Variants in BMP6 observed in about 807,000 individuals in gnomAD.
BMP6 encodes bone morphogenetic protein 6.
A neutral mutation model predicts 54.1 loss-of-function variants in BMP6; 17 were observed. That is an observed-to-expected ratio of 0.31 (90% CI 0.22 to 0.47). The LOEUF (loss-of-function observed/expected upper bound fraction) is 0.47. Ranked by LOEUF, BMP6 falls within the 20% of genes least tolerant of loss-of-function variation. The probability of loss-of-function intolerance (pLI) is 1.00; values close to 1 mark genes in which losing one functional copy is unlikely to be tolerated. For missense variants in BMP6, 720 were observed against 690.4 expected (o/e 1.04, Z -0.48); for synonymous variants, 328 against 291.2 (o/e 1.13, Z -1.28).
intron 1 of BMP6, among the ~76,000 whole-genome samples, chr6:7,803,793 AGT>A (rs1335762074): frequency 6.6e-6 from 1 of 151,910 alleles, no homozygotes; most frequent in Non-Finnish European, 1.5e-5. Context: ...AACAATTGCT[AGT>A]GTATTGTTTA....
chr6:7,734,677 C>T (rs1456681339), intron 1 of BMP6, among the ~76,000 whole-genome samples: 1 of 152,344 alleles, frequency 6.6e-6, no homozygotes, highest in East Asian at 1.9e-4. Flanking sequence ...TTGAAAACCA[C>T]GTTGCTCTGA....
At chr6:7,823,467 A>G (rs1052998875) in intron 1 of BMP6, among the ~76,000 whole-genome samples, 2 of 152,226 alleles carry the variant, frequency 1.3e-5, no homozygotes, top group African/African-American at 4.8e-5. Context: ...TCTTGCACTC[A>G]TGAAACGTGC....
At chr6:7,811,135 G>C (rs1406877940) in intron 1 of BMP6, among the ~76,000 whole-genome samples, 1 of 152,196 alleles carries the variant, frequency 6.6e-6, no homozygotes, top group East Asian at 1.9e-4. Flanking sequence ...ATACTCAAGG[G>C]CATCAAAGGC....
At chr6:7,743,206 G>T (rs1028761356) in intron 1 of BMP6, among the ~76,000 whole-genome samples, 11 of 152,190 alleles carry the variant, frequency 7.2e-5, no homozygotes, top group African/African-American at 2.4e-4. Context: ...GTATTCTATA[G>T]TGTATACTCC....
chr6:7,734,586 A>G (rs190858947), intron 1 of BMP6, among the ~76,000 whole-genome samples: 1 of 152,344 alleles, frequency 6.6e-6, no homozygotes, highest in East Asian at 1.9e-4. Flanking sequence ...CTCTACTTTT[A>G]GAAAAGAAAA....
intron 1 of BMP6, among the ~76,000 whole-genome samples, chr6:7,797,760 G>A (rs1404977444): frequency 2.6e-5 from 4 of 152,074 alleles, no homozygotes; most frequent in Non-Finnish European, 5.9e-5. Context: ...ATTAATAACA[G>A]CAACAAAAAG....
At chr6:7,809,591 A>G (rs1357353523) in intron 1 of BMP6, among the ~76,000 whole-genome samples, 1 of 152,274 alleles carries the variant, frequency 6.6e-6, no homozygotes, top group Non-Finnish European at 1.5e-5. Context: ...GAAGAATGCC[A>G]GAAAACATTT....
chr6:7,828,484 G>T (rs1758735784), intron 1 of BMP6, among the ~76,000 whole-genome samples: 1 of 152,216 alleles, frequency 6.6e-6, no homozygotes, highest in African/African-American at 2.4e-5. Context: ...CTCAGCATCT[G>T]TGATCACATG....
intron 1 of BMP6, among the ~76,000 whole-genome samples, chr6:7,814,217 C>T (rs954488084): frequency 1.3e-5 from 2 of 152,224 alleles, no homozygotes; most frequent in African/African-American, 2.4e-5. Context: ...AATCTCCCTT[C>T]TGATTGTACT....
At chr6:7,755,907 C>T (rs1757507844) in intron 1 of BMP6, among the ~76,000 whole-genome samples, 1 of 151,980 alleles carries the variant, frequency 6.6e-6, no homozygotes, top group African/African-American at 2.4e-5. Flanking sequence ...CATCTTGGTT[C>T]CTTTGTACAT....
intron 1 of BMP6, among the ~76,000 whole-genome samples, chr6:7,739,489 G>T (rs899177837): frequency 5.9e-5 from 9 of 152,018 alleles, no homozygotes; most frequent in African/African-American, 2.2e-4. Context: ...TATTATCTCA[G>T]CAAGGCAAAT....
chr6:7,748,631 AC>A (rs1200157034), intron 1 of BMP6, among the ~76,000 whole-genome samples: 1 of 152,112 alleles, frequency 6.6e-6, no homozygotes, highest in African/African-American at 2.4e-5. Context: ...GACCACAAAT[AC>A]CCCGTGAATA....
chr6:7,838,322 G>T (rs970437179), intron 1 of BMP6, among the ~76,000 whole-genome samples: 1 of 152,258 alleles, frequency 6.6e-6, no homozygotes, highest in Middle Eastern at 3.4e-3. Context: ...ACTATTCACG[G>T]TTTCAGGCAT....
At chr6:7,858,931 C>T (rs551565073) in intron 2 of BMP6, among the ~76,000 whole-genome samples, 15 of 151,948 alleles carry the variant, frequency 9.9e-5, no homozygotes, top group Non-Finnish European at 2.1e-4. Context: ...TGAGAACAGT[C>T]AGTGTTCTCA....
At chr6:7,741,418 C>T (rs1581228481) in intron 1 of BMP6, among the ~76,000 whole-genome samples, 2 of 152,100 alleles carry the variant, frequency 1.3e-5, no homozygotes, top group South Asian at 4.2e-4. Flanking sequence ...ACCTCAGCCT[C>T]TTGAGTAGCT....
At chr6:7,827,843 C>T (rs1422118445) in intron 1 of BMP6, among the ~76,000 whole-genome samples, 3 of 152,334 alleles carry the variant, frequency 2.0e-5, no homozygotes, top group Admixed American at 6.5e-5. Context: ...CCATCATTCT[C>T]GTCATCTGTG....
intron 1 of BMP6, among the ~76,000 whole-genome samples, chr6:7,833,363 A>G (rs1338192222): frequency 6.6e-6 from 1 of 152,212 alleles, no homozygotes; most frequent in Non-Finnish European, 1.5e-5. Context: ...AGTAAAAGCA[A>G]CAAGAGTTGA....
chr6:7,789,412 A>AG (rs1402365480), intron 1 of BMP6, among the ~76,000 whole-genome samples: 2 of 152,262 alleles, frequency 1.3e-5, no homozygotes, highest in Non-Finnish European at 2.9e-5. Flanking sequence ...AAAAGGTCAA[A>AG]GAAAAACATT....
chr6:7,870,919 G>A lies in BMP6; in HGVS notation c.1205-8155G>A, dbSNP rs1488976059. 3.9e-5 allele frequency among the ~76,000 whole-genome samples: 6 copies of A among 152,142 alleles called. No individual in the cohort carries two copies. The South Asian group carries it at 8.3e-4, about 21-fold the overall frequency. ...GCTGGGATTACAGGCGTGAGCCACC[G>A]CGCCCGGCCTGTCTTGGATCTTTAG... On this transcript the variant is annotated intron_variant, in intron 4 of 6. Transcript: ENST00000283147.
Sources: gnomAD v4.1 joint callset for allele counts (sites outside exome capture counted in the v4.1 genomes callset) on GRCh38, gnomAD v4.1.1 for gene constraint, MANE v1.5 for transcripts, NCBI Gene and HGNC (gene_info 2026-07-23, HGNC 2026-07-21) for gene names.